KLF6: variants seen among roughly 807,000 people sequenced by gnomAD.
KLF6 encodes the protein Krueppel-like factor 6.
For synonymous variants in KLF6, 152 were observed against 147.9 expected (o/e 1.03, Z -0.20); for missense variants, 233 against 359.8 (o/e 0.65, Z 2.85).
chr10:3,776,251 C>G lies in KLF6; in HGVS notation c.*3288G>C. On this transcript the variant is annotated 3_prime_UTR_variant, in exon 4 of 4. Transcript: ENST00000497571. ...TGCAGGTGCCTCTGCAATGCATTCC[C>G]TGGCTTGAGCAATGGAAGATCAAAC... 1 of 525,858 alleles carries G rather than the reference C, an allele frequency of 1.9e-6. No individual in the cohort carries two copies. Among genetic ancestry groups the G allele is most frequent in the South Asian group, 1.5e-5 (1 of 64,834 alleles). 32.6% of individuals were successfully genotyped at this position (525,858 alleles called of 1,614,324 possible).
In KLF6 at chr10:3,782,047, G is replaced by A. The variant is rs764608150; in HGVS notation, c.270C>T (p.Leu90=). Reference sequence around the variant, plus strand: ...AGTTGTAACAAAAGCTCGGGCTGATGAGAGTGTCCTCTGGAGGACTGGAAG... The same window carrying A: ...AGTTGTAACAAAAGCTCGGGCTGATAAGAGTGTCCTCTGGAGGACTGGAAG... ...KISSSPPEDT[L]ISPSFCYNLE... The change falls in exon 2 of 4, where the codon CTC becomes CTT. Residue 90 remains leucine, a synonymous_variant. Coordinates refer to ENST00000497571, the MANE Select transcript of KLF6 (RefSeq NM_001300.6). The surrounding 1 kb of genome is among the most constrained non-coding windows in gnomAD (Gnocchi z 4.3). 1.9e-6 allele frequency: 3 copies of A among 1,614,220 alleles called. No homozygotes were observed.
rs1379986969 is a variant in KLF6 at position 3,779,391 on chromosome 10, C to T, written c.*148G>A. 2.7e-6 allele frequency: 2 copies of T among 730,896 alleles called. No homozygotes were observed. The highest frequency in any genetic ancestry group is 2.0e-5 in the Admixed American group (1 of 49,884). 45.3% of individuals were successfully genotyped at this position (730,896 alleles called of 1,614,324 possible). On this transcript the variant is annotated 3_prime_UTR_variant, in exon 4 of 4. Coordinates refer to ENST00000497571, the MANE Select transcript of KLF6 (RefSeq NM_001300.6). ...GCCGCTTCTTACAGGACCTTTTTAG[C>T]CCTCAAAAGACCTTCCAAGGAGAGG...
rs1371284248 is a variant in KLF6 at position 3,776,085 on chromosome 10, G to C, written c.*3454C>G. ...CAGCCCTCTGGCCTGGAGTCCCTCT[G>C]CCTCCTCCACCCCTCCCAGACATGC... On this transcript the variant is annotated 3_prime_UTR_variant, in exon 4 of 4. Transcript: ENST00000497571. 3.8e-6 allele frequency: 2 copies of C among 528,334 alleles called. No individual in the cohort carries two copies. Among genetic ancestry groups the C allele is most frequent in the Non-Finnish European group, 7.3e-6 (2 of 272,440 alleles). 32.7% of individuals were successfully genotyped at this position (528,334 alleles called of 1,614,324 possible). A position where few individuals can be genotyped will look rare whatever the true frequency, so the allele number is the denominator to read the frequency against.
intron 3 of KLF6, among the ~76,000 whole-genome samples, 164 bp from the exon 4 acceptor site, chr10:3,779,754 C>G (rs948353033): frequency 2.2e-4 from 34 of 152,196 alleles, no homozygotes; most frequent in Non-Finnish European, 1.5e-5. Flanking sequence ...CAGGAGATAC[C>G]AACTGATAGG....
In KLF6 at chr10:3,785,160, C is replaced by T. The variant is rs773196096; in HGVS notation, c.-146G>A. Reference sequence around the variant, plus strand: ...GACGCCCGGCCGGACCCTCCCGCAGCCCGCAGCGCGCGGAGCCCACACAAT... The same window carrying T: ...GACGCCCGGCCGGACCCTCCCGCAGTCCGCAGCGCGCGGAGCCCACACAAT... On this transcript the variant is annotated 5_prime_UTR_variant, in exon 1 of 4. Coordinates refer to ENST00000497571, the MANE Select transcript of KLF6 (RefSeq NM_001300.6). The T allele has an allele frequency of 2.0e-6, 3 of 1,494,492 alleles. No individual in the cohort carries two copies. Among genetic ancestry groups the T allele is most frequent in the Non-Finnish European group, 2.7e-6 (3 of 1,107,368 alleles). The allele number at this position is 1,494,492 out of a possible 1,614,324, so 92.6% of individuals were successfully genotyped here. A position where few individuals can be genotyped will look rare whatever the true frequency, so the allele number is the denominator to read the frequency against.
Position 3,780,467 on chromosome 10 carries a change from C to A in KLF6, c.677-238G>T. 1 of 577,718 alleles carries A rather than the reference C, an allele frequency of 1.7e-6. No homozygotes were observed. Among genetic ancestry groups the A allele is most frequent in the South Asian group, 1.9e-5 (1 of 53,224 alleles). The allele number at this position is 577,718 out of a possible 1,614,324, so 35.8% of individuals were successfully genotyped here. On this transcript the variant is annotated intron_variant, in intron 2 of 3. Transcript: ENST00000497571. This position sits in a 1 kb window ranked among gnomAD's most constrained non-coding sequence, Gnocchi z 4.6. ...GCTTCAGCCAAGCCCATGGTGCTGT[C>A]ATCAAAGTTAACGTGGAAGAACGAC...
Position 3,781,595 on chromosome 10 carries a change from TGGCGCCCACCAGCGGCCGCCCTCC to T in KLF6, c.676+22_676+45del, listed in dbSNP as rs768065804. The T allele has an allele frequency of 3.1e-6, 5 of 1,604,222 alleles. No individual in the cohort carries two copies. Among genetic ancestry groups the T allele is most frequent in the East Asian group, 2.3e-5 (1 of 44,290 alleles). On this transcript the variant is annotated intron_variant, in intron 2 of 3. Coordinates refer to ENST00000497571, the MANE Select transcript of KLF6 (RefSeq NM_001300.6). The surrounding 1 kb of genome is among the most constrained non-coding windows in gnomAD (Gnocchi z 5.8). ...TCCCTCCAGGGCTGGTGCAATGCAG[TGGCGCCCACCAGCGGCCGCCCTCC>T]GGGGCCCGCGTGGGCACTGACCTGT... is the stretch of plus-strand genomic sequence containing the variant.
rs1292095783 is a variant in KLF6 at position 3,777,902 on chromosome 10, C to T, written c.*1637G>A. ...ATATGTGAAACTTGTGCCTTTTAAG[C>T]AAATACATTAACATTGGGGGTTTTT... On this transcript the variant is annotated 3_prime_UTR_variant, in exon 4 of 4. Transcript: ENST00000497571. 2 of 491,456 alleles carry T rather than the reference C, an allele frequency of 4.1e-6. No homozygotes were observed. Among genetic ancestry groups the T allele is most frequent in the African/African-American group, 3.9e-5 (2 of 51,502 alleles). The allele number at this position is 491,456 out of a possible 1,614,324, so 30.4% of individuals were successfully genotyped here.
chr10:3,777,369 A>T lies in KLF6; in HGVS notation c.*2170T>A. The T allele has an allele frequency of 1.9e-6, 1 of 514,196 alleles. No homozygotes were observed. Among genetic ancestry groups the T allele is most frequent in the Non-Finnish European group, 3.8e-6 (1 of 263,550 alleles). The allele number at this position is 514,196 out of a possible 1,614,324, so 31.9% of individuals were successfully genotyped here. ...TGGAAAAAATAGCTTCATCTGCATA[A>T]AAAGTGTTCTACAAAAGAATCCCTG... On this transcript the variant is annotated 3_prime_UTR_variant, in exon 4 of 4. Coordinates refer to ENST00000497571, the MANE Select transcript of KLF6 (RefSeq NM_001300.6).
chr10:3,779,673 C>G (rs1832478448), intron 3 of KLF6, 83 bp from the exon 4 acceptor site: 2 of 1,227,144 alleles, frequency 1.6e-6, no homozygotes, highest in South Asian at 2.5e-5. Flanking sequence ...CACCTCCCTG[C>G]CCTGCCCAGC....
chr10:3,780,205 C>G lies in KLF6; in HGVS notation c.701G>C (p.Trp234Ser). 1 of 1,614,160 alleles carries G rather than the reference C, an allele frequency of 6.2e-7. No homozygotes were observed. Among genetic ancestry groups the G allele is most frequent in the Non-Finnish European group, 8.5e-7 (1 of 1,180,042 alleles). The part of the protein sequence containing the change: ...HTGEKPYRCS[W>S]EGCEWRFARS... ...TGCAAAACGCCACTCACACCCTTCC[C>G]ATGAGCATCTGTAAGGCTTTTCTCC... Residue 234 changes from tryptophan to serine, a missense_variant, in exon 3 of 4, where the codon TGG (tryptophan) becomes TCG (serine). Physicochemically the swap from Trp to Ser is radical, Grantham distance 177. Transcript: ENST00000497571. The surrounding 1 kb of genome is among the most constrained non-coding windows in gnomAD (Gnocchi z 4.6).
chr10:3,784,938 G>A lies in KLF6; in HGVS notation c.77C>T (p.Pro26Leu). ...VHETGYFSAL[P>L]SLEEYWQQTC... ...CTGTTGCCAGTACTCCTCCAGAGAC[G>A]GCAGCGCCGAGAAGTAGCCGGTCTC... Residue 26 changes from proline (P) to leucine (L), a missense_variant, in exon 1 of 4, where the codon CCG (proline) becomes CTG (leucine). Pro to Leu is a moderately conservative substitution (Grantham distance 98, BLOSUM62 -3). Transcript: ENST00000497571. 1 of 1,605,496 alleles carries A rather than the reference G, an allele frequency of 6.2e-7. No homozygotes were observed. The highest frequency in any genetic ancestry group is 8.5e-7 in the Non-Finnish European group (1 of 1,174,932).
In KLF6 at chr10:3,780,586, CAACTGTTTCTCCCA is replaced by C; in HGVS notation, c.677-371_677-358del. 1 of 376,752 alleles carries C rather than the reference CAACTGTTTCTCCCA, an allele frequency of 2.7e-6. No homozygotes were observed. The allele number at this position is 376,752 out of a possible 1,614,324, so 23.3% of individuals were successfully genotyped here. ...GGCAGAGCTATTGCTTTCTTCATGG[CAACTGTTTCTCCCA>C]AACACACTTCTGTTCCATCCTCACT... is the stretch of plus-strand genomic sequence containing the variant. On this transcript the variant is annotated intron_variant, in intron 2 of 3. Transcript: ENST00000497571. This position sits in a 1 kb window ranked among gnomAD's most constrained non-coding sequence, Gnocchi z 4.6.
Position 3,785,089 on chromosome 10 carries a change from C to T in KLF6, c.-75G>A. On this transcript the variant is annotated 5_prime_UTR_variant, in exon 1 of 4. Coordinates refer to ENST00000497571, the MANE Select transcript of KLF6 (RefSeq NM_001300.6). ...CGGTGGGAGCCGGAGCCGAAAGTCT[C>T]CCCGGAGCGCAGGTGAAAGTTTCAT... The T allele has an allele frequency of 6.3e-7, 1 of 1,599,794 alleles. No homozygotes were observed. The highest frequency in any genetic ancestry group is 8.5e-7 in the Non-Finnish European group (1 of 1,173,982).
In KLF6 at chr10:3,782,162, G is replaced by A; in HGVS notation, c.155C>T (p.Ala52Val). 1.2e-6 allele frequency: 2 copies of A among 1,612,534 alleles called. No individual in the cohort carries two copies. The highest frequency in any genetic ancestry group is 2.2e-5 in the East Asian group (1 of 44,880). The change falls in exon 2 of 4, where the codon GCC (alanine) becomes GTC (valine). Residue 52 changes from alanine to valine, a missense_variant. Physicochemically the swap from Ala to Val is moderately conservative, Grantham distance 64. Coordinates refer to ENST00000497571, the MANE Select transcript of KLF6 (RefSeq NM_001300.6). This position sits in a 1 kb window ranked among gnomAD's most constrained non-coding sequence, Gnocchi z 4.3. ...YLQSEPCYVS[A>V]SEIKFDSQED... ...CTGGCTGTCAAATTTGATTTCTGAG[G>A]CTGAAACATAGCAGGGCTCGCTCTG...
rs1276881634 is a variant in KLF6 at position 3,776,814 on chromosome 10, T to A, written c.*2725A>T. The A allele has an allele frequency of 1.9e-6, 1 of 523,542 alleles. No individual in the cohort carries two copies. Among genetic ancestry groups the A allele is most frequent in the Non-Finnish European group, 3.7e-6 (1 of 269,858 alleles). The allele number at this position is 523,542 out of a possible 1,614,324, so 32.4% of individuals were successfully genotyped here. On this transcript the variant is annotated 3_prime_UTR_variant, in exon 4 of 4. Transcript: ENST00000497571. ...CACCTGAACAGAATGTACTTCTTTA[T>A]GTACGTGCTAATTATGAAAATCACA...
In KLF6 at chr10:3,779,269, T is replaced by A. The variant is rs1343124137; in HGVS notation, c.*270A>T. 1.3e-5 allele frequency: 8 copies of A among 626,142 alleles called. No individual in the cohort carries two copies. 38.8% of individuals were successfully genotyped at this position (626,142 alleles called of 1,614,324 possible). ...TCAACCCAACCATTAGCATTCTCAG[T>A]GTGCATGCTCACGGCAAAGGCTTAG... On this transcript the variant is annotated 3_prime_UTR_variant, in exon 4 of 4. Coordinates refer to ENST00000497571, the MANE Select transcript of KLF6 (RefSeq NM_001300.6).
At position 3,777,745 on chromosome 10, in the gene KLF6, T is replaced by G. The variant is rs758007601; in HGVS notation, c.*1794A>C. 1.3e-5 allele frequency: 4 copies of G among 304,618 alleles called. No individual in the cohort carries two copies. In the South Asian group the frequency reaches 1.3e-4, roughly 10 times the overall value. 18.9% of individuals were successfully genotyped at this position (304,618 alleles called of 1,614,324 possible). A position where few individuals can be genotyped will look rare whatever the true frequency, so the allele number is the denominator to read the frequency against. On this transcript the variant is annotated 3_prime_UTR_variant, in exon 4 of 4. Coordinates refer to ENST00000497571, the MANE Select transcript of KLF6 (RefSeq NM_001300.6). ...TCTCCTTAAAAAAAATATTTATATA[T>G]TATCTATATATATAATATATATATA...
At position 3,777,173 on chromosome 10, in the gene KLF6, C is replaced by T. The variant is rs115621215; in HGVS notation, c.*2366G>A. ...GTGAGCGTTAGTCACTGCTCATTTCCAGGAAGATCAAACAAAATACCAGCC... is the reference window on the plus strand; with the variant it reads ...GTGAGCGTTAGTCACTGCTCATTTCTAGGAAGATCAAACAAAATACCAGCC... On this transcript the variant is annotated 3_prime_UTR_variant, in exon 4 of 4. Transcript: ENST00000497571. 4.6e-4 allele frequency: 234 copies of T among 514,258 alleles called. No homozygotes were observed. Among genetic ancestry groups the T allele is most frequent in the African/African-American group, 4.2e-3 (222 of 52,692 alleles). The allele number at this position is 514,258 out of a possible 1,614,324, so 31.9% of individuals were successfully genotyped here. A position where few individuals can be genotyped will look rare whatever the true frequency, so the allele number is the denominator to read the frequency against.
Sources: gnomAD v4.1 joint callset for allele counts (sites outside exome capture counted in the v4.1 genomes callset) on GRCh38, gnomAD v4.1.1 for gene constraint, Gnocchi (gnomAD v3.1) non-coding constraint, MANE v1.5 for transcripts, NCBI Gene and HGNC (gene_info 2026-07-23, HGNC 2026-07-21) for gene names.